SHISA9: variants seen among roughly 807,000 people sequenced by gnomAD.
SHISA9 encodes the protein protein shisa-9.
Under a neutral mutation model 38.0 loss-of-function variants are expected in SHISA9, and 13 were observed. The ratio of observed to expected loss-of-function variants is 0.34; its 90% CI spans 0.22 to 0.54. The LOEUF (loss-of-function observed/expected upper bound fraction) is 0.54, where lower values mean the gene tolerates loss of function less well. Among genes scored for constraint, SHISA9 ranks in the 20% least tolerant of loss-of-function variants. The pLI, the probability that SHISA9 is intolerant of heterozygous loss-of-function variation, is 0.91. For synonymous variants in SHISA9, 275 were observed against 242.0 expected (o/e 1.14, Z -1.27); for missense variants, 538 against 575.8 (o/e 0.93, Z 0.67).
At chr16:13,141,988 A>G (rs1189317436) in intron 2 of SHISA9, among the ~76,000 whole-genome samples, 1 of 151,956 alleles carries the variant, frequency 6.6e-6, no homozygotes, top group South Asian at 2.1e-4. Flanking sequence ...TTCCATGCTG[A>G]AGCAGGAAAT....
intron 2 of SHISA9, among the ~76,000 whole-genome samples, chr16:12,959,874 T>A (rs1194566493): frequency 6.6e-6 from 1 of 152,246 alleles, no homozygotes; most frequent in Non-Finnish European, 1.5e-5. Context: ...GGGAGGAACA[T>A]AATACTGTTT....
At chr16:13,241,220 A>G (rs1318399108), downstream of SHISA9, among the ~76,000 whole-genome samples, 4 of 152,244 alleles carry the variant, frequency 2.6e-5, no homozygotes, top group Non-Finnish European at 5.9e-5. Flanking sequence ...CATGGTGTCA[A>G]GAATCCCTAG....
At chr16:13,117,498 A>G (rs1159998977) in intron 2 of SHISA9, among the ~76,000 whole-genome samples, 1 of 152,206 alleles carries the variant, frequency 6.6e-6, no homozygotes, top group East Asian at 1.9e-4. Flanking sequence ...AAGCATCTGC[A>G]GGTAAGGAGT....
chr16:13,152,985 A>G (rs1292701192), intron 2 of SHISA9, among the ~76,000 whole-genome samples: 1 of 152,182 alleles, frequency 6.6e-6, no homozygotes, highest in African/African-American at 2.4e-5. Context: ...TAGAAGAGTG[A>G]CAGAGTGATG....
intron 2 of SHISA9, among the ~76,000 whole-genome samples, chr16:13,157,735 C>T (rs1273921345): frequency 1.3e-5 from 2 of 152,166 alleles, no homozygotes; most frequent in African/African-American, 4.8e-5. Flanking sequence ...CAGCTGTCCT[C>T]CCTGCCTGTT....
At chr16:13,469,312 G>GAA in the SHISA9 span, among the ~76,000 whole-genome samples, 60 of 50,626 alleles carry the variant, frequency 1.2e-3, 3 homozygotes, top group East Asian at 2.8e-3. Context: ...CAGAGAGAGA[G>GAA]AGAGAGAGAG....
chr16:12,929,042 G>A (rs573220344), intron 2 of SHISA9, among the ~76,000 whole-genome samples: 1 of 152,240 alleles, frequency 6.6e-6, no homozygotes, highest in Non-Finnish European at 1.5e-5. Flanking sequence ...TAGAAAAAGT[G>A]CAACATTACT....
At chr16:13,473,620 T>A in the SHISA9 span, among the ~76,000 whole-genome samples, 1 of 152,158 alleles carries the variant, frequency 6.6e-6, no homozygotes, top group Non-Finnish European at 1.5e-5. Flanking sequence ...CATTAAGCTG[T>A]CAACTGTCTA....
At chr16:12,928,314 T>TTG (rs55763909) in intron 2 of SHISA9, among the ~76,000 whole-genome samples, 22 of 150,986 alleles carry the variant, frequency 1.5e-4, no homozygotes, top group South Asian at 4.2e-4. Flanking sequence ...CAGAGGTTGG[T>TTG]TGTGTGTGTG....
At chr16:13,426,535 G>A in the SHISA9 span, among the ~76,000 whole-genome samples, 3 of 152,090 alleles carry the variant, frequency 2.0e-5, no homozygotes, top group Non-Finnish European at 2.9e-5. Flanking sequence ...CATAGAGGGC[G>A]CCACAGAGAA....
In SHISA9 at chr16:12,934,377, A is replaced by G. The variant is rs528291953; in HGVS notation, c.691+17562A>G. ...CACTAGTCCTTTGAAATGTTCTTCA[A>G]AATTAGAGTTCCTTGGCCAAATAAA... On this transcript the variant is annotated intron_variant, in intron 2 of 4. Coordinates refer to ENST00000558583, the MANE Select transcript of SHISA9 (RefSeq NM_001145204.3). Among the ~76,000 whole-genome samples the G allele has an allele frequency of 1.2e-4, 19 of 152,320 alleles. No homozygotes were observed. In the South Asian group the frequency reaches 3.7e-3, roughly 30 times the overall value.
chr16:13,106,333 T>G (rs1596651525), intron 2 of SHISA9, among the ~76,000 whole-genome samples: 1 of 152,178 alleles, frequency 6.6e-6, no homozygotes, highest in East Asian at 1.9e-4. Flanking sequence ...GTAGCAAATT[T>G]GGTGCAAGTT....
chr16:13,289,444 A>G, the SHISA9 span, among the ~76,000 whole-genome samples: 1 of 152,058 alleles, frequency 6.6e-6, no homozygotes, highest in Non-Finnish European at 1.5e-5. Flanking sequence ...AGGGTTCTAG[A>G]AAGAAGTAAC....
At chr16:12,984,708 C>G (rs180697632) in intron 2 of SHISA9, among the ~76,000 whole-genome samples, 1 of 152,286 alleles carries the variant, frequency 6.6e-6, no homozygotes, top group African/African-American at 2.4e-5. Context: ...ATGGGTGCTG[C>G]CTGTGTGTTC....
the SHISA9 span, among the ~76,000 whole-genome samples, chr16:13,273,354 C>T: frequency 6.6e-6 from 1 of 152,088 alleles, no homozygotes. Context: ...CTTGAGTTTC[C>T]ATGTGTTGTG....
At chr16:12,922,242 A>C (rs535087157) in intron 2 of SHISA9, among the ~76,000 whole-genome samples, 1 of 152,240 alleles carries the variant, frequency 6.6e-6, no homozygotes, top group Admixed American at 6.5e-5. Context: ...TATACATCCA[A>C]TTTACAGCCT....
At chr16:13,289,867 G>A in the SHISA9 span, among the ~76,000 whole-genome samples, 2 of 152,168 alleles carry the variant, frequency 1.3e-5, no homozygotes. Flanking sequence ...AAGCTAGTTT[G>A]AATTGTGTTT....
intron 2 of SHISA9, among the ~76,000 whole-genome samples, chr16:12,936,946 G>A (rs562722816): frequency 2.6e-5 from 4 of 152,236 alleles, no homozygotes; most frequent in South Asian, 2.1e-4. Context: ...GGTGGGGTTT[G>A]TGTATTTGTT....
chr16:13,082,157 G>C (rs187458420), intron 2 of SHISA9, among the ~76,000 whole-genome samples: 1 of 152,216 alleles, frequency 6.6e-6, no homozygotes, highest in Non-Finnish European at 1.5e-5. Context: ...AGCAGTGTGA[G>C]GTATTAACCA....
Sources: gnomAD v4.1 joint callset for allele counts (sites outside exome capture counted in the v4.1 genomes callset) on GRCh38, gnomAD v4.1.1 for gene constraint, MANE v1.5 for transcripts, NCBI Gene and HGNC (gene_info 2026-07-23, HGNC 2026-07-21) for gene names.